GABRB2: variants seen among roughly 807,000 people sequenced by gnomAD.
GABRB2 encodes gamma-aminobutyric acid type A receptor subunit beta2, also known as gamma-aminobutyric acid receptor subunit beta-2.
Under a neutral mutation model 54.7 loss-of-function variants are expected in GABRB2, and 16 were observed. The ratio of observed to expected loss-of-function variants is 0.29; its 90% CI spans 0.20 to 0.44. The LOEUF (loss-of-function observed/expected upper bound fraction) is 0.44. Among genes scored for constraint, GABRB2 ranks in the 20% least tolerant of loss-of-function variants. The pLI, the probability that GABRB2 is intolerant of heterozygous loss-of-function variation, is 1.00. For missense variants in GABRB2, 355 were observed against 644.0 expected, an observed-to-expected ratio of 0.55 and a Z score of 4.86; for synonymous variants, 244 against 233.8, an observed-to-expected ratio of 1.04 and a Z score of -0.40.
chr5:161,531,511 A>T (rs111856416), intron 3 of GABRB2, among the ~76,000 whole-genome samples: 6 of 151,912 alleles, frequency 3.9e-5, no homozygotes, highest in African/African-American at 9.7e-5. Context: ...ACAAAACATT[A>T]TTTTTTTTCT....
intron 9 of GABRB2, among the ~76,000 whole-genome samples, chr5:161,317,361 C>G (rs934149385): frequency 2.0e-5 from 3 of 152,040 alleles, no homozygotes; most frequent in Non-Finnish European, 4.4e-5. Context: ...AAGAGAAAAG[C>G]AGAAGTGCCC....
intron 3 of GABRB2, among the ~76,000 whole-genome samples, chr5:161,464,851 G>A (rs1208758475): frequency 6.6e-6 from 1 of 152,012 alleles, no homozygotes; most frequent in African/African-American, 2.4e-5. Flanking sequence ...TGAAACTATA[G>A]AGATGAAGAA....
intron 5 of GABRB2, among the ~76,000 whole-genome samples, chr5:161,397,870 A>G (rs541460129): frequency 1.3e-5 from 2 of 152,206 alleles, no homozygotes; most frequent in Admixed American, 1.3e-4. Flanking sequence ...CTGACTTCAC[A>G]TCTTATTAGC....
At position 161,293,065 on chromosome 5, in the gene GABRB2, T is replaced by C. The variant is rs1398402973; in HGVS notation, c.*1016A>G. ...TGTTTGCTAGTTTGTGCTCTGTATTTGTATATTTGAATGACTCTGAATCTA... is the reference window on the plus strand; with the variant it reads ...TGTTTGCTAGTTTGTGCTCTGTATTCGTATATTTGAATGACTCTGAATCTA... On this transcript the variant is annotated 3_prime_UTR_variant, in exon 10 of 10. Transcript: ENST00000393959. 2.6e-5 allele frequency: 4 copies of C among 152,228 alleles called. No individual in the cohort carries two copies. Among genetic ancestry groups the C allele is most frequent in the African/African-American group, 9.6e-5 (4 of 41,466 alleles). 9.4% of individuals were successfully genotyped at this position (152,228 alleles called of 1,614,324 possible). A position where few individuals can be genotyped will look rare whatever the true frequency, so the allele number is the denominator to read the frequency against.
At chr5:161,415,213 A>G (rs1389492379) in intron 4 of GABRB2, among the ~76,000 whole-genome samples, 1 of 152,208 alleles carries the variant, frequency 6.6e-6, no homozygotes, top group Non-Finnish European at 1.5e-5. Flanking sequence ...GAAAGAGTCA[A>G]TGATGCCTCA....
At chr5:161,533,938 G>A (rs538617012) in intron 3 of GABRB2, among the ~76,000 whole-genome samples, 1 of 152,120 alleles carries the variant, frequency 6.6e-6, no homozygotes, top group South Asian at 2.1e-4. Context: ...AGGTAATATA[G>A]GCAAGTGAAA....
intron 9 of GABRB2, among the ~76,000 whole-genome samples, chr5:161,311,726 A>T (rs1023742900): frequency 2.0e-5 from 3 of 152,178 alleles, no homozygotes; most frequent in Non-Finnish European, 4.4e-5. Context: ...CTGCTTTGGC[A>T]TCTCTGGGAA....
chr5:161,516,841 T>C (rs1438527697), intron 3 of GABRB2, among the ~76,000 whole-genome samples: 1 of 152,054 alleles, frequency 6.6e-6, no homozygotes, highest in Non-Finnish European at 1.5e-5. Flanking sequence ...GTGACAAAGA[T>C]AAAGATGGAA....
chr5:161,377,288 T>C (rs1337355610), intron 5 of GABRB2, among the ~76,000 whole-genome samples: 4 of 152,110 alleles, frequency 2.6e-5, no homozygotes, highest in African/African-American at 9.7e-5. Context: ...AAAACCCTAA[T>C]GAAGGAACAG....
intron 5 of GABRB2, among the ~76,000 whole-genome samples, chr5:161,399,620 C>T (rs1240970469): frequency 3.3e-5 from 5 of 152,134 alleles, no homozygotes; most frequent in African/African-American, 1.2e-4. Context: ...AAAGCACAGC[C>T]TCACCTCTCT....
At chr5:161,502,954 G>A (rs1253859039) in intron 3 of GABRB2, among the ~76,000 whole-genome samples, 1 of 152,148 alleles carries the variant, frequency 6.6e-6, no homozygotes, top group Non-Finnish European at 1.5e-5. Flanking sequence ...CTGGAGATGT[G>A]TGAGCTGACT....
intron 3 of GABRB2, among the ~76,000 whole-genome samples, chr5:161,480,074 C>T (rs552600689): frequency 6.6e-6 from 1 of 152,138 alleles, no homozygotes; most frequent in South Asian, 2.1e-4. Flanking sequence ...CTACCACTAC[C>T]TCACTGTTAT....
intron 5 of GABRB2, among the ~76,000 whole-genome samples, chr5:161,393,196 GCATTAATAGTGTATA>G (rs1755885403): frequency 1.3e-5 from 2 of 150,456 alleles, no homozygotes; most frequent in African/African-American, 4.9e-5. Flanking sequence ...CAATCAAGTT[GCATTAATAGTGTATA>G]CAGTGAAGGA....
intron 3 of GABRB2, among the ~76,000 whole-genome samples, chr5:161,492,283 T>G (rs144068398): frequency 6.6e-6 from 1 of 151,856 alleles, no homozygotes; most frequent in East Asian, 1.9e-4. Flanking sequence ...CGTTATCGTT[T>G]GTGCTTCTTC....
intron 4 of GABRB2, among the ~76,000 whole-genome samples, chr5:161,453,283 A>G (rs1487545473): frequency 6.6e-6 from 1 of 152,234 alleles, no homozygotes; most frequent in East Asian, 1.9e-4. Flanking sequence ...TAATTTTATA[A>G]TTAGATTGTC....
intron 5 of GABRB2, among the ~76,000 whole-genome samples, chr5:161,385,838 T>G (rs1580938655): frequency 6.6e-6 from 1 of 152,164 alleles, no homozygotes; most frequent in East Asian, 1.9e-4. Flanking sequence ...AGACTGTGTG[T>G]GGAAGACAGA....
At chr5:161,299,180 A>G (rs1370253207) in intron 9 of GABRB2, among the ~76,000 whole-genome samples, 1 of 152,190 alleles carries the variant, frequency 6.6e-6, no homozygotes, top group Non-Finnish European at 1.5e-5. Flanking sequence ...GCAAGTAAAG[A>G]GAATAGACAT....
intron 3 of GABRB2, among the ~76,000 whole-genome samples, chr5:161,485,906 C>T (rs537844495): frequency 3.3e-5 from 5 of 151,778 alleles, no homozygotes; most frequent in Non-Finnish European, 7.4e-5. Flanking sequence ...TAGGAAAGCA[C>T]CTGCCTGGGA....
chr5:161,376,059 C>T (rs1755285039), intron 5 of GABRB2, among the ~76,000 whole-genome samples: 1 of 152,116 alleles, frequency 6.6e-6, no homozygotes, highest in Admixed American at 6.6e-5. Flanking sequence ...ATAATACCCT[C>T]AGGATTTAGC....
Sources: allele counts gnomAD v4.1 joint callset (sites outside exome capture counted in the v4.1 genomes callset), GRCh38; gene constraint gnomAD v4.1.1; transcripts MANE v1.5; gene names NCBI Gene and HGNC (gene_info 2026-07-23, HGNC 2026-07-21).